Variants in SGPP2 observed in about 807,000 individuals in gnomAD.
SGPP2 encodes sphingosine 1-phosphate phosphohydrolase 2.
Under a neutral mutation model 33.9 loss-of-function variants are expected in SGPP2, and 30 were observed. The observed-to-expected ratio is 0.89, with a 90% confidence interval of 0.66 to 1.20. The LOEUF (loss-of-function observed/expected upper bound fraction) is 1.20. Ranked by LOEUF, SGPP2 falls within the 50% of genes most tolerant of loss-of-function variation. SGPP2 has a pLI of 0.00. For missense variants in SGPP2, 458 were observed against 532.1 expected, an observed-to-expected ratio of 0.86 and a Z score of 1.37; for synonymous variants, 233 against 225.0, an observed-to-expected ratio of 1.04 and a Z score of -0.32.
At chr2:222,533,741 A>G (rs1698871934) in intron 4 of SGPP2, among the ~76,000 whole-genome samples, 1 of 149,602 alleles carries the variant, frequency 6.7e-6, no homozygotes, top group South Asian at 2.1e-4. Context: ...GTGGATTCAT[A>G]CTCTCGGTCT....
intron 4 of SGPP2, among the ~76,000 whole-genome samples, chr2:222,552,344 C>A (rs1011770613): frequency 2.6e-5 from 4 of 152,140 alleles, no homozygotes. Context: ...AGAAGTGTTT[C>A]CTGTTCACCG....
chr2:222,458,700 A>G (rs1007645678), intron 1 of SGPP2, among the ~76,000 whole-genome samples: 1 of 152,178 alleles, frequency 6.6e-6, no homozygotes, highest in African/African-American at 2.4e-5. Context: ...TTCTCAATTT[A>G]GTATATTGTG....
chr2:222,452,005 T>C (rs1407804684), intron 1 of SGPP2, among the ~76,000 whole-genome samples: 2 of 149,188 alleles, frequency 1.3e-5, no homozygotes, highest in African/African-American at 5.0e-5. Context: ...ATTTGAACTG[T>C]TTGGGATCAC....
Position 222,444,707 on chromosome 2 carries a change from G to A in SGPP2, c.219+19886G>A, listed in dbSNP as rs190642401. On this transcript the variant is annotated intron_variant, in intron 1 of 4. Transcript: ENST00000321276. ...CACCAAACCAACAATTTTGAGTGCC[G>A]TTGCCTCCAAGACGCCTGATAGAAA... is the stretch of plus-strand genomic sequence containing the variant. 3.3e-5 allele frequency among the ~76,000 whole-genome samples: 5 copies of A among 152,298 alleles called. No individual in the cohort carries two copies. In the East Asian group the frequency reaches 5.8e-4, roughly 18 times the overall value.
intron 2 of SGPP2, among the ~76,000 whole-genome samples, chr2:222,492,422 C>T (rs1023027913): frequency 1.8e-4 from 27 of 152,262 alleles, no homozygotes; most frequent in Non-Finnish European, 2.9e-4. Flanking sequence ...AGGCTTGGGG[C>T]TTGCACCCTG....
rs188289568 is a variant in SGPP2 at position 222,561,324 on chromosome 2, T to A, written c.*2426T>A. On this transcript the variant is annotated 3_prime_UTR_variant, in exon 5 of 5. Transcript: ENST00000321276. ...TGCAGAGCAGTGGCTGTCAGCCGGATGCGGCACTTTTCTGTATTTTCATCC... is the reference window on the plus strand; with the variant it reads ...TGCAGAGCAGTGGCTGTCAGCCGGAAGCGGCACTTTTCTGTATTTTCATCC... 6.6e-6 allele frequency among the ~76,000 whole-genome samples: 1 copy of A among 152,148 alleles called. No homozygotes were observed. Among genetic ancestry groups the A allele is most frequent in the Non-Finnish European group, 1.5e-5 (1 of 68,014 alleles).
At chr2:222,429,816 G>A (rs995047209) in intron 1 of SGPP2, among the ~76,000 whole-genome samples, 1 of 152,136 alleles carries the variant, frequency 6.6e-6, no homozygotes, top group South Asian at 2.1e-4. Context: ...AGCTACTACC[G>A]AATTGCCCTA....
At position 222,550,469 on chromosome 2, in the gene SGPP2, T is replaced by A. The variant is rs1239841490; in HGVS notation, c.649-7878T>A. Among the ~76,000 whole-genome samples, 2 of 152,182 alleles carry A rather than the reference T, an allele frequency of 1.3e-5. No individual in the cohort carries two copies. The highest frequency in any genetic ancestry group is 2.4e-5 in the African/African-American group (1 of 41,454). On this transcript the variant is annotated intron_variant, in intron 4 of 4. Coordinates refer to ENST00000321276, the MANE Select transcript of SGPP2 (RefSeq NM_152386.4). The surrounding 1 kb of genome is among the most constrained non-coding windows in gnomAD (Gnocchi z 4.5). ...TCACAACACAGAGAATAAATTACTC[T>A]TAACATTTTTATTTCCTTCTGACAT...
intron 1 of SGPP2, among the ~76,000 whole-genome samples, chr2:222,434,702 A>G (rs1331794909): frequency 1.3e-5 from 2 of 152,108 alleles, no homozygotes. Flanking sequence ...TTTTGTTTCC[A>G]TAAAATTTTA....
intron 1 of SGPP2, among the ~76,000 whole-genome samples, chr2:222,459,202 A>C (rs1033243903): frequency 7.6e-6 from 1 of 130,906 alleles, no homozygotes; most frequent in Non-Finnish European, 1.5e-5. Context: ...GCTGGAGTGC[A>C]GTGGCACGAT....
intron 4 of SGPP2, among the ~76,000 whole-genome samples, chr2:222,551,966 G>C (rs1392504728): frequency 2.6e-5 from 4 of 152,148 alleles, no homozygotes; most frequent in Non-Finnish European, 2.9e-5. Context: ...TAAAATGTTT[G>C]GTTTTCCATT....
intron 1 of SGPP2, among the ~76,000 whole-genome samples, chr2:222,458,631 A>G (rs866393692): frequency 6.6e-6 from 1 of 152,166 alleles, no homozygotes; most frequent in South Asian, 2.1e-4. Context: ...AAATTTTTTC[A>G]AGCTTTATTG....
Position 222,561,551 on chromosome 2 carries a change from T to C in SGPP2, c.*2653T>C, listed in dbSNP as rs1395724285. Among the ~76,000 whole-genome samples the C allele has an allele frequency of 1.4e-5, 2 of 146,448 alleles. No individual in the cohort carries two copies. Among genetic ancestry groups the C allele is most frequent in the African/African-American group, 4.9e-5 (2 of 40,620 alleles). On this transcript the variant is annotated 3_prime_UTR_variant, in exon 5 of 5. Transcript: ENST00000321276. Reference sequence around the variant, plus strand: ...ATATCATTTTATATATATATATATATCATATACATAATTTTTACTGCTGTC... The same window carrying C: ...ATATCATTTTATATATATATATATACCATATACATAATTTTTACTGCTGTC...
chr2:222,507,759 G>A (rs1163788107), intron 2 of SGPP2, among the ~76,000 whole-genome samples: 2 of 152,080 alleles, frequency 1.3e-5, no homozygotes, highest in Non-Finnish European at 2.9e-5. Context: ...ACCTATATGC[G>A]CTGGTATGTA....
rs536590094 is a variant in SGPP2 at position 222,518,273 on chromosome 2, C to T, written c.379-3494C>T. On this transcript the variant is annotated intron_variant, in intron 2 of 4. Coordinates refer to ENST00000321276, the MANE Select transcript of SGPP2 (RefSeq NM_152386.4). ...GATTTTCCTAATTCCACAAAACATT[C>T]TTCAAACATAGAAGGTGAAATATAA... 2.6e-5 allele frequency among the ~76,000 whole-genome samples: 4 copies of T among 152,306 alleles called. No homozygotes were observed. The East Asian group carries it at 5.8e-4, about 22-fold the overall frequency.
At chr2:222,537,757 T>C (rs1698935470) in intron 4 of SGPP2, among the ~76,000 whole-genome samples, 1 of 152,230 alleles carries the variant, frequency 6.6e-6, no homozygotes, top group Non-Finnish European at 1.5e-5. Context: ...GTTGCAGTGT[T>C]ATTTAAAATA....
Position 222,424,716 on chromosome 2 carries a change from C to A in SGPP2, c.114C>A (p.Pro38=). Residue 38 remains proline, a synonymous_variant, in exon 1 of 5, where the codon CCC becomes CCA. Transcript: ENST00000321276. ...GCCCCCGGGAGAACGGCGCGGACCCCACGGAGCGCGCGGCGCGGGTCCCCG... is the reference window on the plus strand; with the variant it reads ...GCCCCCGGGAGAACGGCGCGGACCCAACGGAGCGCGCGGCGCGGGTCCCCG... The part of the protein sequence containing the change: ...DEGPRENGAD[P]TERAARVPGV... The A allele has an allele frequency of 6.9e-7, 1 of 1,441,456 alleles. No homozygotes were observed. The allele number at this position is 1,441,456 out of a possible 1,614,324, so 89.3% of individuals were successfully genotyped here.
At chr2:222,537,985 TA>T (rs1343504215) in intron 4 of SGPP2, among the ~76,000 whole-genome samples, 2 of 152,254 alleles carry the variant, frequency 1.3e-5, no homozygotes, top group Admixed American at 6.5e-5. Flanking sequence ...CAATGGTTAC[TA>T]CTCAGCAGTA....
chr2:222,512,505 G>GTACA (rs1332879415), intron 2 of SGPP2, among the ~76,000 whole-genome samples: 1 of 152,068 alleles, frequency 6.6e-6, no homozygotes, highest in Admixed American at 6.5e-5. Context: ...AGTCTATAGT[G>GTACA]TACATTAGGG....
Sources: gnomAD v4.1 joint callset for allele counts (sites outside exome capture counted in the v4.1 genomes callset) on GRCh38, gnomAD v4.1.1 for gene constraint, Gnocchi (gnomAD v3.1) non-coding constraint, MANE v1.5 for transcripts, NCBI Gene and HGNC (gene_info 2026-07-23, HGNC 2026-07-21) for gene names.